The following CNNM2 variants were observed in gnomAD, a reference collection of about 807,000 sequenced individuals.
CNNM2 encodes metal transporter CNNM2.
CNNM2 carries 12 observed loss-of-function variants against 66.9 expected under a neutral mutation model. The ratio of observed to expected loss-of-function variants is 0.18; its 90% CI spans 0.11 to 0.29. The LOEUF is 0.29. CNNM2 is among the 10% of genes least tolerant of loss of function. The pLI, the probability that CNNM2 is intolerant of heterozygous loss-of-function variation, is 1.00. For missense variants in CNNM2, 705 were observed against 1,167.7 expected (o/e 0.60, Z 5.77); for synonymous variants, 557 against 501.8 (o/e 1.11, Z -1.47).
In CNNM2 at chr10:103,054,546, G is replaced by A; in HGVS notation, c.1903+80G>A. 1.4e-6 allele frequency: 2 copies of A among 1,452,328 alleles called. No individual in the cohort carries two copies. The highest frequency in any genetic ancestry group is 1.9e-6 in the Non-Finnish European group (2 of 1,061,498). The allele number at this position is 1,452,328 out of a possible 1,614,324, so 90.0% of individuals were successfully genotyped here. ...CACCCACCACTGACTGGGGTGGGTTGGGGGTGGACACTGGGAAATGGGGTG... is the reference window on the plus strand; with the variant it reads ...CACCCACCACTGACTGGGGTGGGTTAGGGGTGGACACTGGGAAATGGGGTG... On this transcript the variant is annotated intron_variant, in intron 3 of 7. Coordinates refer to ENST00000369878, the MANE Select transcript of CNNM2 (RefSeq NM_017649.5). This position sits in a 1 kb window ranked among gnomAD's most constrained non-coding sequence, Gnocchi z 5.2.
At chr10:103,067,945 A>G (rs921226591) in intron 4 of CNNM2, among the ~76,000 whole-genome samples, 5 of 152,210 alleles carry the variant, frequency 3.3e-5, no homozygotes, top group African/African-American at 1.2e-4. Flanking sequence ...GGGTCTGCTC[A>G]GTGGTCAGGA....
chr10:103,009,250 G>A (rs2064289510), intron 1 of CNNM2, among the ~76,000 whole-genome samples: 1 of 152,064 alleles, frequency 6.6e-6, no homozygotes, highest in African/African-American at 2.4e-5. Flanking sequence ...ATTCCAGCCT[G>A]GGCAACAAGA....
In CNNM2 at chr10:103,071,815, G is replaced by A; in HGVS notation, c.2209G>A (p.Glu737Lys). The A allele has an allele frequency of 6.2e-7, 1 of 1,613,974 alleles. No individual in the cohort carries two copies. The change falls in exon 6 of 8, where the codon GAG becomes AAG. Residue 737 changes from glutamate (E) to lysine (K), a missense_variant. Glu to Lys is a moderately conservative substitution (Grantham distance 56). This residue lies in a region of CNNM2 where 194 missense variants were observed against 227.6 expected (regional missense o/e 0.85). Coordinates refer to ENST00000369878, the MANE Select transcript of CNNM2 (RefSeq NM_017649.5). Reference sequence around the variant, plus strand: ...TCGTACCTTTGTTGTCAGCAGAACAGAGTTGTTAGCAGCAGGTTCTCCAGG... The same window carrying A: ...TCGTACCTTTGTTGTCAGCAGAACAAAGTTGTTAGCAGCAGGTTCTCCAGG... Reference protein sequence around the residue: ...LSRTFVVSRTELLAAGSPGEN... With the variant: ...LSRTFVVSRTKLLAAGSPGEN...
At chr10:103,076,629 G>A (rs2065696757) in intron 7 of CNNM2, among the ~76,000 whole-genome samples, 1 of 152,192 alleles carries the variant, frequency 6.6e-6, no homozygotes, top group Admixed American at 6.5e-5. Context: ...GAGGGTTGCG[G>A]GGAAGGCTCC....
intron 1 of CNNM2, among the ~76,000 whole-genome samples, chr10:103,000,585 C>T (rs1241353293): frequency 6.6e-6 from 1 of 152,012 alleles, no homozygotes; most frequent in Non-Finnish European, 1.5e-5. Context: ...TCCCAAGTAG[C>T]TGGGATTACA....
rs1465717425 is a variant in CNNM2 at position 103,078,995 on chromosome 10, G to A, written c.*1815G>A. On this transcript the variant is annotated 3_prime_UTR_variant, in exon 8 of 8. Coordinates refer to ENST00000369878, the MANE Select transcript of CNNM2 (RefSeq NM_017649.5). ...TCAGAAGGTGCCGTGTCCCTTAGTGGGGGGAAGTACTGATCTCACTTGGTG... is the reference window on the plus strand; with the variant it reads ...TCAGAAGGTGCCGTGTCCCTTAGTGAGGGGAAGTACTGATCTCACTTGGTG... 1 of 152,292 alleles carries A rather than the reference G, an allele frequency of 6.6e-6. No homozygotes were observed. Among genetic ancestry groups the A allele is most frequent in the Non-Finnish European group, 1.5e-5 (1 of 68,140 alleles). The allele number at this position is 152,292 out of a possible 1,614,324, so 9.4% of individuals were successfully genotyped here.
chr10:103,024,487 TA>T (rs1286760061), intron 1 of CNNM2, among the ~76,000 whole-genome samples: 2 of 152,158 alleles, frequency 1.3e-5, no homozygotes, highest in Non-Finnish European at 2.9e-5. Flanking sequence ...TTTTTATTTT[TA>T]TTTTTTTTGA....
At chr10:103,067,042 T>C (rs554532751) in intron 4 of CNNM2, among the ~76,000 whole-genome samples, 3 of 152,254 alleles carry the variant, frequency 2.0e-5, no homozygotes, top group Non-Finnish European at 4.4e-5. Context: ...AGAAAGACCT[T>C]TTGTAATTGG....
In CNNM2 at chr10:102,967,774, C is replaced by T. The variant is rs184330601; in HGVS notation, c.1621+47673C>T. On this transcript the variant is annotated intron_variant, in intron 1 of 7. Coordinates refer to ENST00000369878, the MANE Select transcript of CNNM2 (RefSeq NM_017649.5). Reference sequence around the variant, plus strand: ...CTGTAATCCCAGCACTTTGGGGGGCCGAGGCGGGCGGATCACCTGAGGTCA... The same window carrying T: ...CTGTAATCCCAGCACTTTGGGGGGCTGAGGCGGGCGGATCACCTGAGGTCA... 7.4e-3 allele frequency among the ~76,000 whole-genome samples: 1,126 copies of T among 152,222 alleles called. 5 individuals carry two copies. The highest frequency in any genetic ancestry group is 0.011 in the Non-Finnish European group (734 of 68,012).
At position 103,001,849 on chromosome 10, in the gene CNNM2, CA is replaced by C. The variant is rs71019644; in HGVS notation, c.1622-47853del. On this transcript the variant is annotated intron_variant, in intron 1 of 7. Transcript: ENST00000369878. ...TGAAACCCCCTGTATACTAAAAATA[CA>C]AAAATAGCCAGGTGCATGCCTGTAA... Among the ~76,000 whole-genome samples the C allele has an allele frequency of 0.2, 30,838 of 151,702 alleles. 3,269 individuals are homozygous for C. The highest frequency in any genetic ancestry group is 0.22 in the Non-Finnish European group (15,054 of 67,910).
chr10:102,978,068 C>A (rs1042983180), intron 1 of CNNM2, among the ~76,000 whole-genome samples: 1 of 152,006 alleles, frequency 6.6e-6, no homozygotes, highest in Admixed American at 6.6e-5. Flanking sequence ...CACCACCACG[C>A]CTGGCTAACT....
chr10:102,975,885 A>G lies in CNNM2; in HGVS notation c.1621+55784A>G, dbSNP rs547492166. Among the ~76,000 whole-genome samples, 8 of 152,332 alleles carry G rather than the reference A, an allele frequency of 5.3e-5. No individual in the cohort carries two copies. In the South Asian group the frequency reaches 1.7e-3, roughly 32 times the overall value. On this transcript the variant is annotated intron_variant, in intron 1 of 7. Coordinates refer to ENST00000369878, the MANE Select transcript of CNNM2 (RefSeq NM_017649.5). ...GAATTTGGCCCCAGCTTTGAGGATC[A>G]TAATTACAACGAAGTCAGCAGTTTG... is the stretch of plus-strand genomic sequence containing the variant.
intron 1 of CNNM2, among the ~76,000 whole-genome samples, chr10:102,951,852 G>T (rs1374624541): frequency 1.3e-5 from 2 of 151,472 alleles, no homozygotes; most frequent in East Asian, 3.9e-4. Flanking sequence ...TGCCCAGGCT[G>T]GAGTGCAATG....
In CNNM2 at chr10:102,919,889, T is replaced by C; in HGVS notation, c.1409T>C (p.Met470Thr). The C allele has an allele frequency of 6.2e-7, 1 of 1,614,174 alleles. No individual in the cohort carries two copies. The highest frequency in any genetic ancestry group is 8.5e-7 in the Non-Finnish European group (1 of 1,180,038). Reference sequence around the variant, plus strand: ...GAAGCCATCCTGGACTTCAACACCATGTCTGAGATCATGGAGAGCGGCTAC... The same window carrying C: ...GAAGCCATCCTGGACTTCAACACCACGTCTGAGATCATGGAGAGCGGCTAC... ...TGEAILDFNT[M>T]SEIMESGYTR... Residue 470 changes from methionine (M) to threonine (T), a missense_variant, in exon 1 of 8, where the codon ATG (methionine) becomes ACG (threonine). This residue lies in a region of CNNM2 where 171 missense variants were observed against 304.8 expected (regional missense o/e 0.56). Transcript: ENST00000369878.
intron 1 of CNNM2, among the ~76,000 whole-genome samples, chr10:103,044,466 G>A (rs2065094876): frequency 6.6e-6 from 1 of 151,922 alleles, no homozygotes; most frequent in South Asian, 2.1e-4. Context: ...TGAGGTGGGA[G>A]GATCACTTGA....
chr10:102,981,565 A>AT lies in CNNM2; in HGVS notation c.1621+61476dup, dbSNP rs113676047. 0.016 allele frequency among the ~76,000 whole-genome samples: 2,356 copies of AT among 143,376 alleles called. 63 individuals carry two copies. Among genetic ancestry groups the AT allele is most frequent in the African/African-American group, 0.055 (2,142 of 39,302 alleles). The allele number at this position is 143,376 out of a possible 152,430, so 94.1% of individuals were successfully genotyped here. On this transcript the variant is annotated intron_variant, in intron 1 of 7. Coordinates refer to ENST00000369878, the MANE Select transcript of CNNM2 (RefSeq NM_017649.5). Reference sequence around the variant, plus strand: ...GCCACCACACCCGGCTAACTTTGGTATTTTTTTTTTTTAAGTCAAGGTTCG... The same window carrying AT: ...GCCACCACACCCGGCTAACTTTGGTATTTTTTTTTTTTTAAGTCAAGGTTCG...
chr10:102,929,579 CAG>C (rs1444049747), intron 1 of CNNM2, among the ~76,000 whole-genome samples: 1 of 151,784 alleles, frequency 6.6e-6, no homozygotes, highest in Non-Finnish European at 1.5e-5. Flanking sequence ...TTAAGGAAAA[CAG>C]AACAATTTAT....
rs561952077 is a variant in CNNM2 at position 103,021,680 on chromosome 10, G to A, written c.1622-28027G>A. 4.6e-5 allele frequency among the ~76,000 whole-genome samples: 7 copies of A among 152,204 alleles called. No individual in the cohort carries two copies. The South Asian group carries it at 1.0e-3, about 23-fold the overall frequency. On this transcript the variant is annotated intron_variant, in intron 1 of 7. Transcript: ENST00000369878. Reference sequence around the variant, plus strand: ...CTGCTGTAGGAAACAGAGTCCTGCCGAGAGTTGGACTTCATTGTTAATCAT... The same window carrying A: ...CTGCTGTAGGAAACAGAGTCCTGCCAAGAGTTGGACTTCATTGTTAATCAT...
At chr10:102,954,011 C>T (rs1411459469) in intron 1 of CNNM2, among the ~76,000 whole-genome samples, 10 of 152,118 alleles carry the variant, frequency 6.6e-5, no homozygotes. Context: ...ATCACTTGCT[C>T]AAGGTTACTT....
Sources: gnomAD v4.1 joint callset for allele counts (sites outside exome capture counted in the v4.1 genomes callset) on GRCh38, gnomAD v4.1.1 for gene constraint, gnomAD v4.1.1 regional missense constraint, Gnocchi (gnomAD v3.1) non-coding constraint, MANE v1.5 for transcripts, NCBI Gene and HGNC (gene_info 2026-07-23, HGNC 2026-07-21) for gene names.